The following NOL4L variants were observed in gnomAD, a reference collection of about 807,000 sequenced individuals.
NOL4L encodes the protein nucleolar protein 4 like, also known as nucleolar protein 4-like.
Under a neutral mutation model 64.5 loss-of-function variants are expected in NOL4L, and 7 were observed. That is an observed-to-expected ratio of 0.11 (90% CI 0.06 to 0.20). NOL4L has a LOEUF of 0.20. Among genes scored for constraint, NOL4L ranks in the 10% least tolerant of loss-of-function variants. The pLI is 1.00. For missense variants in NOL4L, 680 were observed against 967.1 expected (o/e 0.70, Z 3.94); for synonymous variants, 413 against 401.0 (o/e 1.03, Z -0.36).
chr20:32,538,445 TCCTCCCTCCCTCCCTCGCTC>T (rs1430635911), intron 1 of NOL4L, among the ~76,000 whole-genome samples: 1,568 of 145,682 alleles, frequency 0.011, 13 homozygotes, highest in Non-Finnish European at 0.017. Context: ...GGCCATGACC[TCCTCCCTCCCTCCCTCGCTC>T]CCTCCCTCCC....
At chr20:32,553,946 A>G (rs1426055965) in intron 1 of NOL4L, among the ~76,000 whole-genome samples, 1 of 152,170 alleles carries the variant, frequency 6.6e-6, no homozygotes, top group Admixed American at 6.5e-5. Context: ...GTAGACAGGA[A>G]CTCTCTGGAC....
At chr20:32,518,707 C>T (rs548221293) in intron 3 of NOL4L, among the ~76,000 whole-genome samples, 2 of 152,324 alleles carry the variant, frequency 1.3e-5, no homozygotes, top group East Asian at 1.9e-4. Flanking sequence ...AGGGGACAGG[C>T]GGATGGGTGG....
At chr20:32,570,522 C>A (rs1427764652) in intron 1 of NOL4L, among the ~76,000 whole-genome samples, 1 of 152,182 alleles carries the variant, frequency 6.6e-6, no homozygotes, top group African/African-American at 2.4e-5. Context: ...CCCCTCCTGT[C>A]CCCACAGTCA....
intron 1 of NOL4L, among the ~76,000 whole-genome samples, chr20:32,572,230 C>T (rs946408925): frequency 2.6e-5 from 4 of 152,178 alleles, no homozygotes; most frequent in Admixed American, 2.6e-4. Context: ...TCTGAGCCTC[C>T]GAATCTCCAT....
chr20:32,505,811 T>C (rs1193332690), intron 4 of NOL4L, among the ~76,000 whole-genome samples: 1 of 152,168 alleles, frequency 6.6e-6, no homozygotes, highest in African/African-American at 2.4e-5. Context: ...GACATCTGAT[T>C]CCACTGACAT....
chr20:32,450,636 CA>C (rs1277881843), intron 10 of NOL4L, among the ~76,000 whole-genome samples: 2 of 152,166 alleles, frequency 1.3e-5, no homozygotes, highest in Non-Finnish European at 2.9e-5. Context: ...TTAGGAGGGT[CA>C]GGGGGACTTG....
intron 2 of NOL4L, 81 bp downstream of exon 2, chr20:32,527,677 C>G (rs1227861082): frequency 2.9e-5 from 42 of 1,462,932 alleles, no homozygotes; most frequent in Non-Finnish European, 3.7e-5. Context: ...GCCCCGCCCC[C>G]CAAGCCCAAC....
At chr20:32,561,569 CGGTGGCCCTGAGAGGGGATT>C (rs1979020238) in intron 1 of NOL4L, among the ~76,000 whole-genome samples, 2 of 151,916 alleles carry the variant, frequency 1.3e-5, no homozygotes, top group Non-Finnish European at 1.5e-5. Flanking sequence ...GCTCTCATGC[CGGTGGCCCTGAGAGGGGATT>C]AACTGGGCCC....
In NOL4L at chr20:32,553,062, C is replaced by T. The variant is rs111548021; in HGVS notation, c.322-25149G>A. ...ACAGTGTGCCAAGCCTGCTCACAAC[C>T]GTCCTCAGATTCCTCACACAGGCCC... On this transcript the variant is annotated intron_variant, in intron 1 of 10. Transcript: ENST00000621426. 5.3e-4 allele frequency among the ~76,000 whole-genome samples: 80 copies of T among 152,240 alleles called. 1 individual carries two copies. Among genetic ancestry groups the T allele is most frequent in the African/African-American group, 1.7e-3 (70 of 41,542 alleles).
In NOL4L at chr20:32,446,609, C is replaced by G. The variant is rs2012343633; in HGVS notation, c.*987G>C. ...TCTCCCAGCAGTCCGTCCTGTCAAG[C>G]AGCTGAGGGCCAGAGCTGGAGGGCT... On this transcript the variant is annotated 3_prime_UTR_variant, in exon 11 of 11. Transcript: ENST00000621426. The G allele has an allele frequency of 6.5e-6, 1 of 153,078 alleles. No individual in the cohort carries two copies. Among genetic ancestry groups the G allele is most frequent in the Non-Finnish European group, 1.5e-5 (1 of 68,666 alleles). 9.5% of individuals were successfully genotyped at this position (153,078 alleles called of 1,614,324 possible).
At chr20:32,532,324 T>C (rs1457659325) in intron 1 of NOL4L, 1 of 984,620 alleles carries the variant, frequency 1.0e-6, no homozygotes, top group Admixed American at 6.1e-5. Flanking sequence ...TACCTTGAAC[T>C]GTCCTCTGGT....
chr20:32,475,320 AGCTTCCAGGGCTGAAAGGGCCAGCCC>A, intron 4 of NOL4L: 1 of 985,460 alleles, frequency 1.0e-6, no homozygotes, highest in Non-Finnish European at 1.2e-6. Context: ...GCTCTTGGGC[AGCTTCCAGGGCTGAAAGGGCCAGCCC>A]CAGAAGTGCA....
At chr20:32,511,221 A>G in intron 4 of NOL4L, 126 bp downstream of exon 4, 1 of 619,008 alleles carries the variant, frequency 1.6e-6, no homozygotes. Context: ...CCAGATAACC[A>G]GATAAGGGCC....
intron 1 of NOL4L, among the ~76,000 whole-genome samples, chr20:32,574,051 T>A (rs900739679): frequency 5.3e-5 from 8 of 152,194 alleles, no homozygotes; most frequent in African/African-American, 1.9e-4. Context: ...CAGCTACCCC[T>A]TGGGGTACGG....
chr20:32,452,120 G>T, intron 10 of NOL4L, 116 bp downstream of exon 10: 1 of 868,394 alleles, frequency 1.2e-6, no homozygotes, highest in Non-Finnish European at 1.6e-6. Flanking sequence ...CTGTGAGGCA[G>T]CCCCTTTCCA....
chr20:32,582,945 G>C (rs1980577186), intron 1 of NOL4L, among the ~76,000 whole-genome samples: 2 of 152,106 alleles, frequency 1.3e-5, no homozygotes, highest in Non-Finnish European at 2.9e-5. Flanking sequence ...GACTCGATCG[G>C]GGGAGGGGAC....
intron 1 of NOL4L, among the ~76,000 whole-genome samples, chr20:32,583,660 C>T (rs1422780147): frequency 6.7e-6 from 1 of 149,652 alleles, no homozygotes; most frequent in Non-Finnish European, 1.5e-5. Flanking sequence ...CCCCCCCAGC[C>T]CCCACCCTCT....
intron 5 of NOL4L, among the ~76,000 whole-genome samples, chr20:32,457,808 C>G (rs971096130): frequency 2.0e-5 from 3 of 152,234 alleles, no homozygotes; most frequent in Admixed American, 6.5e-5. Context: ...ATAGCTGCCC[C>G]TCACTGGCTG....
intron 4 of NOL4L, among the ~76,000 whole-genome samples, chr20:32,501,237 T>A (rs1192064468): frequency 6.6e-6 from 1 of 152,194 alleles, no homozygotes; most frequent in East Asian, 1.9e-4. Context: ...GTGGTCTTCC[T>A]CCTAATAACC....
Sources: allele counts gnomAD v4.1 joint callset (sites outside exome capture counted in the v4.1 genomes callset), GRCh38; gene constraint gnomAD v4.1.1; transcripts MANE v1.5; gene names NCBI Gene and HGNC (gene_info 2026-07-23, HGNC 2026-07-21).